The following UNC5A variants were observed in gnomAD, a reference collection of about 807,000 sequenced individuals.
UNC5A encodes the protein unc-5 netrin receptor A, also known as netrin receptor UNC5A.
Under a neutral mutation model 87.4 loss-of-function variants are expected in UNC5A, and 20 were observed. That is an observed-to-expected ratio of 0.23 (90% CI 0.16 to 0.33). The LOEUF is 0.33. UNC5A is among the 10% of genes least tolerant of loss of function. The pLI, the probability that UNC5A is intolerant of heterozygous loss-of-function variation, is 1.00. For synonymous variants in UNC5A, 438 were observed against 482.3 expected, an observed-to-expected ratio of 0.91 and a Z score of 1.20; for missense variants, 844 against 1,133.4, an observed-to-expected ratio of 0.74 and a Z score of 3.67.
chr5:176,848,898 G>A lies in UNC5A; in HGVS notation c.71-13726G>A, dbSNP rs930532914. ...GGCCTCAGCTGAGAGGACACCTGGT[G>A]CTGACAGGTACATCCTGCTACCCGC... On this transcript the variant is annotated intron_variant, in intron 1 of 14. Transcript: ENST00000329542. The surrounding 1 kb of genome is among the most constrained non-coding windows in gnomAD (Gnocchi z 5.8). 9.9e-5 allele frequency among the ~76,000 whole-genome samples: 15 copies of A among 152,232 alleles called. No homozygotes were observed. Among genetic ancestry groups the A allele is most frequent in the African/African-American group, 3.6e-4 (15 of 41,460 alleles).
At position 176,853,748 on chromosome 5, in the gene UNC5A, C is replaced by T. The variant is rs542525251; in HGVS notation, c.71-8876C>T. On this transcript the variant is annotated intron_variant, in intron 1 of 14. Coordinates refer to ENST00000329542, the MANE Select transcript of UNC5A (RefSeq NM_133369.3). ...TGCCCTCTCCCCACCTTCGTGCATT[C>T]ACCACACACTGGGCATGGGCCCTGG... 1.4e-4 allele frequency among the ~76,000 whole-genome samples: 21 copies of T among 152,348 alleles called. No individual in the cohort carries two copies. In the East Asian group the frequency reaches 2.1e-3, roughly 15 times the overall value.
intron 1 of UNC5A, among the ~76,000 whole-genome samples, chr5:176,829,156 AGATGGATGGATGGATGGATG>A (rs70991573): frequency 1.3e-4 from 16 of 122,250 alleles, no homozygotes; most frequent in African/African-American, 5.6e-4. Flanking sequence ...AAAGAAAGAA[AGATGGATGGATGGATGGATG>A]GATGGATGGA....
chr5:176,817,997 A>G (rs934218256), intron 1 of UNC5A, among the ~76,000 whole-genome samples: 1 of 151,932 alleles, frequency 6.6e-6, no homozygotes, highest in African/African-American at 2.4e-5. Context: ...CCTGTTAACA[A>G]GTTCCTGGCT....
At chr5:176,872,992 G>C (rs56370365) in intron 6 of UNC5A, among the ~76,000 whole-genome samples, 1,615 of 6,982 alleles carry the variant, frequency 0.23, 573 homozygotes, top group Middle Eastern at 0.67. Context: ...GCCCACACCT[G>C]CCCCAACACC....
intron 1 of UNC5A, among the ~76,000 whole-genome samples, chr5:176,822,527 C>G (rs1332427374): frequency 6.6e-6 from 1 of 152,238 alleles, no homozygotes; most frequent in Non-Finnish European, 1.5e-5. Flanking sequence ...ACCAGAGTGA[C>G]TTGGCTGAGT....
At chr5:176,834,665 T>TTCTCTCTC (rs369472376) in intron 1 of UNC5A, among the ~76,000 whole-genome samples, 13,213 of 101,132 alleles carry the variant, frequency 0.13, 1,423 homozygotes, top group East Asian at 0.2. Context: ...ACGTCCCGTC[T>TTCTCTCTC]TCTCTCTCTC....
At position 176,880,160 on chromosome 5, in the gene UNC5A, G is replaced by A. The variant is rs895666243; in HGVS notation, c.*274G>A. ...CCTGGGCCAGGCCCAGCCCATCTGT[G>A]TGTGTGTATGTGCGTGTGATGCTAC... On this transcript the variant is annotated 3_prime_UTR_variant, in exon 15 of 15. Coordinates refer to ENST00000329542, the MANE Select transcript of UNC5A (RefSeq NM_133369.3). The A allele has an allele frequency of 2.3e-6, 1 of 435,774 alleles. No homozygotes were observed. Among genetic ancestry groups the A allele is most frequent in the Non-Finnish European group, 4.2e-6 (1 of 238,828 alleles). The allele number at this position is 435,774 out of a possible 1,614,324, so 27.0% of individuals were successfully genotyped here.
chr5:176,868,481 T>C (rs960656078), intron 3 of UNC5A, 80 bp from the exon 4 acceptor site: 1 of 1,501,596 alleles, frequency 6.7e-7, no homozygotes. Flanking sequence ...CCACGGCCCC[T>C]GCAGGACAAG....
chr5:176,825,410 G>A (rs761145508), intron 1 of UNC5A, among the ~76,000 whole-genome samples: 13 of 152,198 alleles, frequency 8.5e-5, no homozygotes, highest in African/African-American at 1.9e-4. Flanking sequence ...TGGAGGACAC[G>A]CTGGGAGGAG....
chr5:176,845,273 G>C (rs918035395), intron 1 of UNC5A, among the ~76,000 whole-genome samples: 1 of 152,118 alleles, frequency 6.6e-6, no homozygotes, highest in Non-Finnish European at 1.5e-5. Flanking sequence ...TGACCCCCTC[G>C]TCCCTGCTCA....
At chr5:176,846,541 C>T (rs1757407412) in intron 1 of UNC5A, among the ~76,000 whole-genome samples, 1 of 152,316 alleles carries the variant, frequency 6.6e-6, no homozygotes, top group Admixed American at 6.5e-5. Flanking sequence ...TCCAGGAAGC[C>T]CTCCTGGATG....
intron 1 of UNC5A, among the ~76,000 whole-genome samples, chr5:176,854,699 C>G (rs993570476): frequency 6.6e-6 from 1 of 152,234 alleles, no homozygotes; most frequent in African/African-American, 2.4e-5. Context: ...TTCCTGGGCT[C>G]TTGTCCCATT....
intron 2 of UNC5A, among the ~76,000 whole-genome samples, chr5:176,864,600 C>T (rs1448742474): frequency 6.6e-6 from 1 of 152,194 alleles, no homozygotes; most frequent in Non-Finnish European, 1.5e-5. Flanking sequence ...TCCAACCAGC[C>T]CTTCTCGTCT....
At chr5:176,852,374 GCA>G (rs150098498) in intron 1 of UNC5A, among the ~76,000 whole-genome samples, 30 of 150,560 alleles carry the variant, frequency 2.0e-4, no homozygotes, top group African/African-American at 6.1e-4. Flanking sequence ...ACACACAGAA[GCA>G]CACACACACA....
chr5:176,867,868 A>G (rs958054878), intron 2 of UNC5A, among the ~76,000 whole-genome samples: 1 of 152,060 alleles, frequency 6.6e-6, no homozygotes, highest in Non-Finnish European at 1.5e-5. Context: ...CAGGTAACAA[A>G]GTATAATGAA....
intron 1 of UNC5A, among the ~76,000 whole-genome samples, chr5:176,823,408 C>G (rs555708088): frequency 6.6e-6 from 1 of 152,186 alleles, no homozygotes; most frequent in East Asian, 1.9e-4. Flanking sequence ...GGGAGCGGAA[C>G]AGCGTTTCCG....
chr5:176,878,531 C>A lies in UNC5A; in HGVS notation c.2076C>A (p.Phe692Leu). The part of the protein sequence containing the change: ...NGTQRYLHCT[F>L]TLERVSPSTS... ...CGCAGCGGTACTTGCACTGCACCTT[C>A]ACCCTGGAGCGTGTCAGCCCCAGCA... is the stretch of plus-strand genomic sequence containing the variant. Residue 692 changes from phenylalanine (F) to leucine (L), a missense_variant, in exon 13 of 15, where the codon TTC becomes TTA. Phe to Leu is a conservative substitution (Grantham distance 22). Coordinates refer to ENST00000329542, the MANE Select transcript of UNC5A (RefSeq NM_133369.3). 1 of 1,613,260 alleles carries A rather than the reference C, an allele frequency of 6.2e-7. No homozygotes were observed.
intron 1 of UNC5A, among the ~76,000 whole-genome samples, chr5:176,830,637 CTGGCGT>C: frequency 1.1e-5 from 1 of 93,448 alleles, no homozygotes; most frequent in Admixed American, 1.2e-4. Flanking sequence ...TGTGTGTGCG[CTGGCGT>C]GTGCATTTGT....
Position 176,879,660 on chromosome 5 carries a change from G to T in UNC5A, c.2364-61G>T, listed in dbSNP as rs1041709696. On this transcript the variant is annotated intron_variant, in intron 14 of 14. Transcript: ENST00000329542. Reference sequence around the variant, plus strand: ...GGCCCTGCCCTGGGGTGGGCCAGGGGGGGCAGGAGGTGTCGGCTGGGGCCA... The same window carrying T: ...GGCCCTGCCCTGGGGTGGGCCAGGGTGGGCAGGAGGTGTCGGCTGGGGCCA... 64 of 1,591,244 alleles carry T rather than the reference G, an allele frequency of 4.0e-5. No homozygotes were observed. The Admixed American group carries it at 4.1e-4, about 10-fold the overall frequency.
Sources: gnomAD v4.1 joint callset for allele counts (sites outside exome capture counted in the v4.1 genomes callset) on GRCh38, gnomAD v4.1.1 for gene constraint, Gnocchi (gnomAD v3.1) non-coding constraint, MANE v1.5 for transcripts, NCBI Gene and HGNC (gene_info 2026-07-23, HGNC 2026-07-21) for gene names.